GRIK2: variants seen among roughly 807,000 people sequenced by gnomAD.
The protein encoded by GRIK2 is glutamate ionotropic receptor kainate type subunit 2.
GRIK2 carries 32 observed loss-of-function variants against 100.3 expected under a neutral mutation model. That is an observed-to-expected ratio of 0.32 (90% confidence interval 0.24 to 0.43). The LOEUF (loss-of-function observed/expected upper bound fraction) is 0.43, where lower values mean the gene tolerates loss of function less well. Ranked by LOEUF, GRIK2 falls within the 20% of genes least tolerant of loss-of-function variation. The probability of loss-of-function intolerance (pLI) is 1.00; values close to 1 mark genes in which losing one functional copy is unlikely to be tolerated. For synonymous variants in GRIK2, 417 were observed against 389.4 expected (o/e 1.07, Z -0.83); for missense variants, 843 against 1,114.9 (o/e 0.76, Z 3.47).
At chr6:102,010,101 C>A (rs1795448731) in intron 14 of GRIK2, among the ~76,000 whole-genome samples, 1 of 152,020 alleles carries the variant, frequency 6.6e-6, no homozygotes, top group Admixed American at 6.6e-5. Flanking sequence ...ACTCACCAGT[C>A]AACACACATG....
At chr6:101,804,975 A>C (rs1735591817) in intron 9 of GRIK2, among the ~76,000 whole-genome samples, 1 of 151,944 alleles carries the variant, frequency 6.6e-6, no homozygotes, top group African/African-American at 2.4e-5. Context: ...CTAGATTCAG[A>C]GATATTTTGG....
chr6:101,561,472 T>C (rs867057052), intron 2 of GRIK2, among the ~76,000 whole-genome samples: 1 of 152,052 alleles, frequency 6.6e-6, no homozygotes, highest in African/African-American at 2.4e-5. Flanking sequence ...GATTGTATAG[T>C]AGGGAAGTTA....
intron 2 of GRIK2, among the ~76,000 whole-genome samples, chr6:101,424,935 A>C (rs1015496493): frequency 3.3e-5 from 5 of 152,166 alleles, no homozygotes; most frequent in African/African-American, 1.2e-4. Context: ...CATGGTGTAT[A>C]TGTGCTACAT....
At chr6:101,827,832 G>T (rs1294645656) in intron 10 of GRIK2, among the ~76,000 whole-genome samples, 1 of 151,928 alleles carries the variant, frequency 6.6e-6, no homozygotes, top group Non-Finnish European at 1.5e-5. Flanking sequence ...CACGATAGTA[G>T]TGAAGGACTT....
intron 2 of GRIK2, among the ~76,000 whole-genome samples, chr6:101,590,611 G>C (rs925435443): frequency 2.0e-5 from 3 of 151,912 alleles, no homozygotes; most frequent in Non-Finnish European, 4.4e-5. Flanking sequence ...CAGCACACCA[G>C]CTCTGACCCA....
At position 102,069,937 on chromosome 6, in the gene GRIK2, A is replaced by T. The variant is rs886169659; in HGVS notation, c.*1426A>T. 1 of 152,170 alleles carries T rather than the reference A, an allele frequency of 6.6e-6. No homozygotes were observed. Among genetic ancestry groups the T allele is most frequent in the Middle Eastern group, 3.4e-3 (1 of 294 alleles). 9.4% of individuals were successfully genotyped at this position (152,170 alleles called of 1,614,324 possible). ...CTGGTTTCCACGAGGCTGACAACAT[A>T]CTGTAATGAACAATTGTGTGTAAAA... On this transcript the variant is annotated 3_prime_UTR_variant, in exon 17 of 17. Transcript: ENST00000369134.
intron 2 of GRIK2, among the ~76,000 whole-genome samples, chr6:101,462,686 C>A (rs1365999809): frequency 6.6e-6 from 1 of 152,078 alleles, no homozygotes; most frequent in Admixed American, 6.5e-5. Context: ...GAGAATGTAG[C>A]CCAAGTAAAC....
In GRIK2 at chr6:101,997,726, C is replaced by T. The variant is rs544030513; in HGVS notation, c.2086-37615C>T. On this transcript the variant is annotated intron_variant, in intron 14 of 16. Transcript: ENST00000369134. ...TATATCATCTACATTGATCTGTTTT[C>T]CAAAGTCTTAATTACATTCTATTGA... Among the ~76,000 whole-genome samples, 5 of 152,074 alleles carry T rather than the reference C, an allele frequency of 3.3e-5. No homozygotes were observed. The South Asian group carries it at 1.0e-3, about 32-fold the overall frequency.
rs552697657 is a variant in GRIK2, at chr6:101,421,360, G to A, written c.115+21968G>A. 2.4e-3 allele frequency among the ~76,000 whole-genome samples: 359 copies of A among 152,326 alleles called. 2 individuals are homozygous for A. The highest frequency in any genetic ancestry group is 7.5e-3 in the South Asian group (36 of 4,824). On this transcript the variant is annotated intron_variant, in intron 2 of 16. Transcript: ENST00000369134. ...TTAGCATCGTAGAAGTTGGCTTAGG[G>A]TTTACTCGCACGGAAGAAAGAGGAG...
At chr6:101,728,067 C>T (rs1477074915) in intron 7 of GRIK2, among the ~76,000 whole-genome samples, 1 of 151,796 alleles carries the variant, frequency 6.6e-6, no homozygotes. Flanking sequence ...TAAAATAATT[C>T]ATATAATTAT....
chr6:101,909,833 C>A (rs1017925316), intron 12 of GRIK2, among the ~76,000 whole-genome samples: 1 of 150,840 alleles, frequency 6.6e-6, no homozygotes, highest in South Asian at 2.1e-4. Flanking sequence ...AATTCATAAA[C>A]AATTCTCAAA....
intron 10 of GRIK2, among the ~76,000 whole-genome samples, chr6:101,858,394 T>C (rs1339649612): frequency 1.4e-5 from 2 of 145,266 alleles, no homozygotes; most frequent in Non-Finnish European, 3.0e-5. Context: ...TTCTTTTTTT[T>C]TTTTTTTTTT....
chr6:101,405,579 A>G (rs1414374743), intron 2 of GRIK2, among the ~76,000 whole-genome samples: 2 of 152,162 alleles, frequency 1.3e-5, no homozygotes, highest in South Asian at 2.1e-4. Context: ...CAGTTTCAAT[A>G]GAGTAATAGG....
At chr6:101,906,846 A>G (rs746899138) in intron 12 of GRIK2, among the ~76,000 whole-genome samples, 9 of 151,812 alleles carry the variant, frequency 5.9e-5, no homozygotes, top group Non-Finnish European at 1.0e-4. Flanking sequence ...TCCGCACTAG[A>G]GTGTGGTAGC....
At chr6:102,025,869 T>A (rs1046079616) in intron 14 of GRIK2, among the ~76,000 whole-genome samples, 10 of 150,874 alleles carry the variant, frequency 6.6e-5, no homozygotes, top group African/African-American at 2.4e-4. Flanking sequence ...ATCTAGTGAA[T>A]TATTAAATAG....
At chr6:101,696,123 A>G (rs1204836125) in intron 7 of GRIK2, among the ~76,000 whole-genome samples, 2 of 152,024 alleles carry the variant, frequency 1.3e-5, no homozygotes, top group African/African-American at 4.8e-5. Context: ...GTAACTGTAG[A>G]TTGCATCAAT....
At chr6:101,750,262 G>T (rs941541707) in intron 7 of GRIK2, among the ~76,000 whole-genome samples, 4 of 152,140 alleles carry the variant, frequency 2.6e-5, no homozygotes, top group African/African-American at 7.2e-5. Flanking sequence ...TACACAGAAG[G>T]TAAGTGACAG....
At chr6:101,888,986 T>A (rs775773450) in intron 11 of GRIK2, among the ~76,000 whole-genome samples, 2 of 152,140 alleles carry the variant, frequency 1.3e-5, no homozygotes, top group Non-Finnish European at 2.9e-5. Flanking sequence ...TTAGCAACTT[T>A]GTGAAAATGG....
At chr6:101,858,636 G>A (rs561813837) in intron 10 of GRIK2, among the ~76,000 whole-genome samples, 59 of 151,692 alleles carry the variant, frequency 3.9e-4, no homozygotes, top group Non-Finnish European at 6.8e-4. Flanking sequence ...TGATCTGCCC[G>A]CCTTGGCCTC....
Sources: gnomAD v4.1 joint callset for allele counts (sites outside exome capture counted in the v4.1 genomes callset) on GRCh38, gnomAD v4.1.1 for gene constraint, MANE v1.5 for transcripts, NCBI Gene and HGNC (gene_info 2026-07-23, HGNC 2026-07-21) for gene names.